Variants in ZNF395 observed in about 807,000 individuals in gnomAD.
ZNF395 encodes HD gene regulatory region-binding protein 2.
ZNF395 carries 20 observed loss-of-function variants against 57.7 expected under a neutral mutation model. The observed-to-expected ratio is 0.35, with a 90% confidence interval of 0.24 to 0.50. The LOEUF is 0.50. ZNF395 is among the 20% of genes least tolerant of loss of function. The probability of loss-of-function intolerance (pLI) is 0.97; values close to 1 mark genes in which losing one functional copy is unlikely to be tolerated. For synonymous variants in ZNF395, 295 were observed against 275.9 expected (o/e 1.07, Z -0.69); for missense variants, 606 against 671.2 (o/e 0.90, Z 1.07).
At chr8:28,354,268 T>C (rs1042477185) in intron 4 of ZNF395, among the ~76,000 whole-genome samples, 2 of 152,144 alleles carry the variant, frequency 1.3e-5, no homozygotes, top group Non-Finnish European at 2.9e-5. Context: ...GCAGGCTGCA[T>C]GGGCCCAACC....
intron 7 of ZNF395, 132 bp downstream of exon 7, chr8:28,351,363 T>C: frequency 1.0e-6 from 1 of 983,298 alleles, no homozygotes. Context: ...TTCCTTTTGT[T>C]TCCTTGTAGA....
intron 1 of ZNF395, among the ~76,000 whole-genome samples, chr8:28,376,680 A>G (rs1802044879): frequency 6.6e-6 from 1 of 152,152 alleles, no homozygotes; most frequent in African/African-American, 2.4e-5. Flanking sequence ...TATGTAGCCC[A>G]GGGAACCAAA....
At chr8:28,350,294 C>T (rs1239551877) in intron 7 of ZNF395, 138 bp from the exon 8 acceptor site, 3 of 711,230 alleles carry the variant, frequency 4.2e-6, no homozygotes, top group Non-Finnish European at 7.1e-6. Flanking sequence ...CTGGGACACA[C>T]TCGGCTTTCT....
intron 1 of ZNF395, among the ~76,000 whole-genome samples, chr8:28,363,529 G>A (rs968171196): frequency 4.6e-5 from 7 of 152,108 alleles, no homozygotes; most frequent in Admixed American, 2.0e-4. Context: ...CAATTTCACT[G>A]GGCTGATAGG....
intron 4 of ZNF395, among the ~76,000 whole-genome samples, chr8:28,355,919 T>C (rs1421957946): frequency 6.6e-6 from 1 of 152,198 alleles, no homozygotes; most frequent in Non-Finnish European, 1.5e-5. Context: ...TAACTCCATA[T>C]TTTCCTGTAA....
At chr8:28,362,945 G>A (rs963796341) in intron 1 of ZNF395, among the ~76,000 whole-genome samples, 6 of 152,156 alleles carry the variant, frequency 3.9e-5, no homozygotes, top group African/African-American at 1.4e-4. Context: ...ATAAGGAAAA[G>A]GTTGGAGTCA....
chr8:28,356,913 C>T lies in ZNF395; in HGVS notation c.474-134G>A. 1 of 660,668 alleles carries T rather than the reference C, an allele frequency of 1.5e-6. No homozygotes were observed. The highest frequency in any genetic ancestry group is 1.8e-5 in the African/African-American group (1 of 55,044). 40.9% of individuals were successfully genotyped at this position (660,668 alleles called of 1,614,324 possible). A position where few individuals can be genotyped will look rare whatever the true frequency, so the allele number is the denominator to read the frequency against. ...TTCTGGACTGTCCCCTCCAAGTGCC[C>T]CCAACTCCAATCAGCCAGTGTGTGC... On this transcript the variant is annotated intron_variant, in intron 3 of 9. Transcript: ENST00000344423. The surrounding 1 kb of genome is among the most constrained non-coding windows in gnomAD (Gnocchi z 4.0).
chr8:28,355,045 G>C (rs1033988233), intron 4 of ZNF395, among the ~76,000 whole-genome samples: 2 of 152,038 alleles, frequency 1.3e-5, no homozygotes, highest in Admixed American at 6.6e-5. Context: ...TTATCTATAA[G>C]TTATAAGTTA....
At chr8:28,379,842 T>TAA (rs748360582) in intron 1 of ZNF395, among the ~76,000 whole-genome samples, 12 of 123,970 alleles carry the variant, frequency 9.7e-5, no homozygotes, top group East Asian at 2.1e-4. Context: ...ATACAAACGT[T>TAA]AAAAAAAAAA....
At chr8:28,378,544 TTTTTG>T (rs1440655628) in intron 1 of ZNF395, among the ~76,000 whole-genome samples, 3 of 152,164 alleles carry the variant, frequency 2.0e-5, no homozygotes, top group African/African-American at 7.2e-5. Context: ...CCTCACCTGT[TTTTTG>T]TTTTGTTTTG....
rs1021599252 is a variant in ZNF395, at chr8:28,345,936, T to C, written c.*2783A>G. On this transcript the variant is annotated 3_prime_UTR_variant, in exon 10 of 10. Coordinates refer to ENST00000344423, the MANE Select transcript of ZNF395 (RefSeq NM_018660.3). The stretch of plus-strand genomic sequence containing the variant: ...CATGGCTCAAAACACTCTCTGAAAT[T>C]ACAAAATTGCTTTCTGAGCCAATTT... 6.6e-6 allele frequency: 1 copy of C among 152,178 alleles called. No homozygotes were observed. The highest frequency in any genetic ancestry group is 1.5e-5 in the Non-Finnish European group (1 of 68,026). 9.4% of individuals were successfully genotyped at this position (152,178 alleles called of 1,614,324 possible).
intron 1 of ZNF395, among the ~76,000 whole-genome samples, chr8:28,383,420 ACT>A (rs1387719671): frequency 2.0e-5 from 3 of 151,504 alleles, no homozygotes; most frequent in African/African-American, 7.3e-5. Context: ...TTCCTGCCTC[ACT>A]CTCTCTCTCC....
rs917283456 is a variant in ZNF395 at position 28,352,359 on chromosome 8, A to C, written c.920+214T>G. 1.3e-5 allele frequency among the ~76,000 whole-genome samples: 2 copies of C among 152,232 alleles called. No individual in the cohort carries two copies. Among genetic ancestry groups the C allele is most frequent in the African/African-American group, 2.4e-5 (1 of 41,466 alleles). ...TCTTGCTTCCTGCAATGAGGCAAGA[A>C]GACACATCCCCAAGATGGACAGAGC... is the stretch of plus-strand genomic sequence containing the variant. On this transcript the variant is annotated intron_variant, in intron 6 of 9. Coordinates refer to ENST00000344423, the MANE Select transcript of ZNF395 (RefSeq NM_018660.3). The surrounding 1 kb of genome is among the most constrained non-coding windows in gnomAD (Gnocchi z 4.0).
chr8:28,357,102 G>A (rs887765983), intron 3 of ZNF395, among the ~76,000 whole-genome samples: 1 of 152,144 alleles, frequency 6.6e-6, no homozygotes, highest in Admixed American at 6.5e-5. Flanking sequence ...CTTTGCTGCT[G>A]AACTCTGCAG....
chr8:28,358,601 A>C (rs1382888364), intron 3 of ZNF395, among the ~76,000 whole-genome samples: 2 of 151,226 alleles, frequency 1.3e-5, no homozygotes, highest in African/African-American at 2.4e-5. Flanking sequence ...ATACCTGACT[A>C]ATTTTTTTAT....
intron 1 of ZNF395, among the ~76,000 whole-genome samples, chr8:28,361,687 G>A (rs1361165304): frequency 6.6e-6 from 1 of 152,224 alleles, no homozygotes; most frequent in Admixed American, 6.5e-5. Context: ...CACGGCTTCC[G>A]TAGGGCAACT....
chr8:28,350,947 C>T (rs562701452), intron 7 of ZNF395, among the ~76,000 whole-genome samples: 2 of 152,326 alleles, frequency 1.3e-5, no homozygotes, highest in South Asian at 2.1e-4. Context: ...ACCTACAACA[C>T]CTTCTCATGC....
chr8:28,384,967 A>T (rs190611313), intron 1 of ZNF395: 7 of 152,400 alleles, frequency 4.6e-5, no homozygotes, highest in African/African-American at 1.7e-4. Flanking sequence ...TGTGGAGTTG[A>T]ACTTAATGGC....
intron 1 of ZNF395, among the ~76,000 whole-genome samples, chr8:28,376,913 C>T (rs1802049105): frequency 1.3e-5 from 2 of 152,202 alleles, no homozygotes; most frequent in Admixed American, 6.5e-5. Context: ...AGAGCACTTT[C>T]TTGCCAAATA....
Sources: gnomAD v4.1 joint callset for allele counts (sites outside exome capture counted in the v4.1 genomes callset) on GRCh38, gnomAD v4.1.1 for gene constraint, Gnocchi (gnomAD v3.1) non-coding constraint, MANE v1.5 for transcripts, NCBI Gene and HGNC (gene_info 2026-07-23, HGNC 2026-07-21) for gene names.